The following TMEM74 variants were observed in gnomAD, a reference collection of about 807,000 sequenced individuals.
TMEM74 encodes the protein transmembrane protein 74.
In TMEM74, 13 loss-of-function variants were observed where a neutral mutation model predicts 18.1. The ratio of observed to expected loss-of-function variants is 0.72; its 90% CI spans 0.47 to 1.14. The LOEUF (loss-of-function observed/expected upper bound fraction) is 1.14. Among genes scored for constraint, TMEM74 ranks in the 50% most tolerant of loss-of-function variants. TMEM74 has a pLI of 0.00. For synonymous variants in TMEM74, 159 were observed against 146.6 expected (o/e 1.08, Z -0.61); for missense variants, 372 against 375.9 (o/e 0.99, Z 0.09).
intron 1 of TMEM74, among the ~76,000 whole-genome samples, chr8:108,750,095 C>T (rs893924712): frequency 3.3e-5 from 5 of 152,030 alleles, no homozygotes; most frequent in Non-Finnish European, 7.4e-5. Context: ...TCCTAAACTG[C>T]TCCAAGGGAA....
intron 1 of TMEM74, among the ~76,000 whole-genome samples, chr8:108,766,540 A>G (rs1814108934): frequency 6.6e-6 from 1 of 152,210 alleles, no homozygotes; most frequent in African/African-American, 2.4e-5. Context: ...GTGGGCCACC[A>G]TAAAATGTGC....
chr8:108,693,415 C>A (rs1482607253), intron 1 of TMEM74, among the ~76,000 whole-genome samples: 1 of 152,186 alleles, frequency 6.6e-6, no homozygotes, highest in Non-Finnish European at 1.5e-5. Flanking sequence ...TTCATACTGT[C>A]CCCTTTTCAA....
chr8:108,690,389 G>T (rs76502505), intron 1 of TMEM74, among the ~76,000 whole-genome samples: 4,421 of 147,320 alleles, frequency 0.03, 119 homozygotes, highest in African/African-American at 0.068. Flanking sequence ...TTTTTTGTTT[G>T]TTTTTTTTTA....
intron 1 of TMEM74, among the ~76,000 whole-genome samples, chr8:108,756,680 G>GAA (rs1554577405): frequency 9.3e-6 from 1 of 107,062 alleles, no homozygotes; most frequent in Non-Finnish European, 1.8e-5. Flanking sequence ...AAGAAAGAAA[G>GAA]AAAGAAAGAA....
intron 1 of TMEM74, among the ~76,000 whole-genome samples, chr8:108,768,074 C>T (rs1211658345): frequency 6.6e-6 from 1 of 152,066 alleles, no homozygotes; most frequent in African/African-American, 2.4e-5. Context: ...CATAAATAAG[C>T]CCAGCCTTAC....
chr8:108,756,209 T>C (rs1813958025), intron 1 of TMEM74, among the ~76,000 whole-genome samples: 1 of 152,018 alleles, frequency 6.6e-6, no homozygotes, highest in East Asian at 1.9e-4. Flanking sequence ...TAAATCCATC[T>C]GATGAAACAG....
In TMEM74 at chr8:108,646,741, CTTGA is replaced by C. The variant is rs1812724096; in HGVS notation, n.264+8548_264+8551del. On this transcript the variant is annotated intron_variant and non_coding_transcript_variant, in intron 2 of 3. Transcript: ENST00000518838. ...CTCAAGATATTTAAACATTAGCTAACTTGATTGTCTTTGGACTTCAATGCTGTCT... is the reference window on the plus strand; with the variant it reads ...CTCAAGATATTTAAACATTAGCTAACTTGTCTTTGGACTTCAATGCTGTCT... Among the ~76,000 whole-genome samples the C allele has an allele frequency of 4.6e-5, 7 of 152,190 alleles. No homozygotes were observed. The South Asian group carries it at 1.4e-3, about 32-fold the overall frequency.
At chr8:108,618,378 G>A (rs1457675110) in intron 2 of TMEM74, among the ~76,000 whole-genome samples, 1 of 152,068 alleles carries the variant, frequency 6.6e-6, no homozygotes, top group African/African-American at 2.4e-5. Context: ...GCTGGTTTTG[G>A]AACTCAAACT....
At chr8:108,687,373 G>T (rs572435560) in intron 1 of TMEM74, among the ~76,000 whole-genome samples, 2 of 142,676 alleles carry the variant, frequency 1.4e-5, no homozygotes, top group South Asian at 4.5e-4. Context: ...AGAATTTGCG[G>T]CAAACACAAC....
rs1436743159 is a variant in TMEM74, at chr8:108,779,864, T to C, written c.*4317A>G. Among the ~76,000 whole-genome samples the C allele has an allele frequency of 6.6e-6, 1 of 152,196 alleles. No homozygotes were observed. Among genetic ancestry groups the C allele is most frequent in the Non-Finnish European group, 1.5e-5 (1 of 68,028 alleles). ...TTAGTTTTATGTGTTTAAAATAACG[T>C]CTTGCTTTTTACAGTGTCAATTCAC... On this transcript the variant is annotated 3_prime_UTR_variant, in exon 2 of 2. Coordinates refer to ENST00000297459, the MANE Select transcript of TMEM74 (RefSeq NM_153015.3).
intron 2 of TMEM74, chr8:108,652,442 C>T: frequency 2.9e-6 from 1 of 343,812 alleles, no homozygotes; most frequent in South Asian, 4.3e-5. Flanking sequence ...ATCTGAATAC[C>T]TAAAATATCT....
At chr8:108,674,912 T>G (rs1438635446) in intron 1 of TMEM74, among the ~76,000 whole-genome samples, 1 of 152,140 alleles carries the variant, frequency 6.6e-6, no homozygotes, top group African/African-American at 2.4e-5. Context: ...AATATCTCAG[T>G]TTGCTCTGCC....
intron 1 of TMEM74, among the ~76,000 whole-genome samples, chr8:108,681,518 A>G (rs1813115148): frequency 1.3e-5 from 2 of 152,174 alleles, no homozygotes; most frequent in Admixed American, 1.3e-4. Context: ...AAATTAATTC[A>G]AGATGGATTA....
In TMEM74 at chr8:108,716,996, A is replaced by G. The variant is rs901445932; in HGVS notation, n.120-61559T>C. ...ATGAAATTATAAAATTTGCCTCATT[A>G]TGAACTATAAGCCAAAAATCATGGG... On this transcript the variant is annotated intron_variant and non_coding_transcript_variant, in intron 1 of 3. Coordinates refer to the TMEM74 transcript ENST00000518838. Among the ~76,000 whole-genome samples, 13 of 152,142 alleles carry G rather than the reference A, an allele frequency of 8.5e-5. No homozygotes were observed. The South Asian group carries it at 1.0e-3, about 12-fold the overall frequency.
intron 1 of TMEM74, among the ~76,000 whole-genome samples, chr8:108,666,300 A>C (rs1259171366): frequency 6.6e-6 from 1 of 152,220 alleles, no homozygotes; most frequent in Non-Finnish European, 1.5e-5. Context: ...TTTGCTTAAA[A>C]GCTAATCATT....
At chr8:108,671,810 T>A (rs1483817864) in intron 1 of TMEM74, among the ~76,000 whole-genome samples, 1 of 152,140 alleles carries the variant, frequency 6.6e-6, no homozygotes, top group Non-Finnish European at 1.5e-5. Flanking sequence ...GTTAAGAATT[T>A]GATAAATTAC....
At chr8:108,639,941 T>A (rs1424961650) in intron 2 of TMEM74, among the ~76,000 whole-genome samples, 1 of 152,056 alleles carries the variant, frequency 6.6e-6, no homozygotes, top group Non-Finnish European at 1.5e-5. Context: ...TTAATTTAAC[T>A]TTTAAGGCTT....
chr8:108,624,800 G>C (rs1812478581), intron 2 of TMEM74, among the ~76,000 whole-genome samples: 1 of 151,928 alleles, frequency 6.6e-6, no homozygotes, highest in African/African-American at 2.4e-5. Context: ...TTCCTTAACT[G>C]TATAGGAACT....
chr8:108,651,798 G>T lies in TMEM74; in HGVS notation n.264+3495C>A, dbSNP rs941936413. ...AAAAGGAGAAGAGTTATTTTTTTTT[G>T]ATATATGTGTATGCATTGCATCAGT... On this transcript the variant is annotated intron_variant and non_coding_transcript_variant, in intron 2 of 3. Transcript: ENST00000518838. 5.3e-5 allele frequency among the ~76,000 whole-genome samples: 8 copies of T among 151,334 alleles called. No individual in the cohort carries two copies. The South Asian group carries it at 6.3e-4, about 12-fold the overall frequency.
Sources: allele counts gnomAD v4.1 joint callset (sites outside exome capture counted in the v4.1 genomes callset), GRCh38; gene constraint gnomAD v4.1.1; transcripts MANE v1.5; gene names NCBI Gene and HGNC (gene_info 2026-07-23, HGNC 2026-07-21).